The following DIAPH2 variants were observed in gnomAD, a reference collection of about 807,000 sequenced individuals.
The protein encoded by DIAPH2 is diaphanous related formin 2.
Under a neutral mutation model 92.7 loss-of-function variants are expected in DIAPH2, and 35 were observed. The observed-to-expected ratio is 0.38, with a 90% CI of 0.29 to 0.50. The LOEUF (loss-of-function observed/expected upper bound fraction) is 0.50. Among genes scored for constraint, DIAPH2 ranks in the 20% least tolerant of loss-of-function variants. The probability of loss-of-function intolerance (pLI) is 0.94; values close to 1 mark genes in which losing one functional copy is unlikely to be tolerated. For synonymous variants in DIAPH2, 301 were observed against 280.4 expected (o/e 1.07, Z -0.73); for missense variants, 701 against 819.5 (o/e 0.86, Z 1.77).
chrX:96,837,427 CTCTCTCTGTG>C (rs1475599419), intron 4 of DIAPH2, among the ~76,000 whole-genome samples: 74 of 40,025 alleles, frequency 1.8e-3, no homozygotes, highest in African/African-American at 5.2e-3. Context: ...CTCTCTCTCT[CTCTCTCTGTG>C]TGTGTGTGTG....
chrX:97,292,264 G>A (rs948838754), intron 23 of DIAPH2, among the ~76,000 whole-genome samples: 1 of 110,067 alleles, frequency 9.1e-6, no homozygotes. Flanking sequence ...GAACTCCTGG[G>A]CTCAAGCAGT....
intron 1 of DIAPH2, among the ~76,000 whole-genome samples, chrX:96,733,584 T>A (rs1289576790): frequency 3.6e-5 from 4 of 111,573 alleles, no homozygotes; most frequent in Non-Finnish European, 7.5e-5. Flanking sequence ...AAAATAGCCC[T>A]TGGAAAGTGT....
chrX:96,972,131 C>T, intron 17 of DIAPH2, among the ~76,000 whole-genome samples: 1 of 111,652 alleles, frequency 9.0e-6, no homozygotes, highest in East Asian at 2.8e-4. Context: ...GAAGGAGCAT[C>T]ATTCCTGTTT....
intron 25 of DIAPH2, among the ~76,000 whole-genome samples, chrX:97,424,635 G>C (rs2070043271): frequency 9.0e-6 from 1 of 111,302 alleles, no homozygotes; most frequent in African/African-American, 3.3e-5. Flanking sequence ...TTTATTTTGA[G>C]ACAGGGTCTC....
chrX:97,202,345 G>A (rs372519772), intron 22 of DIAPH2, among the ~76,000 whole-genome samples: 30 of 111,573 alleles, frequency 2.7e-4, no homozygotes, highest in Non-Finnish European at 1.7e-4. Flanking sequence ...GCTAAATGCC[G>A]CAATTAAAAG....
At position 96,916,636 on chromosome X, in the gene DIAPH2, T is replaced by G; in HGVS notation, c.869+62T>G. 3 of 1,062,079 alleles carry G rather than the reference T, an allele frequency of 2.8e-6. No individual in the cohort carries two copies. In the South Asian group the frequency reaches 6.7e-5, roughly 24 times the overall value. The allele number at this position is 1,062,079 out of a possible 1,213,427, so 87.5% of individuals were successfully genotyped here. On this transcript the variant is annotated intron_variant, in intron 8 of 26. Transcript: ENST00000324765. ...AAATGACACTTAAGAAATTAATAAG[T>G]CCTACTTTTGTTCTCTTTCTTTGGA...
intron 26 of DIAPH2, among the ~76,000 whole-genome samples, chrX:97,566,252 G>A (rs143755948): frequency 0.02 from 2,195 of 111,383 alleles, 39 homozygotes; most frequent in Non-Finnish European, 0.028. Flanking sequence ...GGAGCAACGG[G>A]AAGGTATGCT....
chrX:96,976,248 G>A (rs975882103), intron 17 of DIAPH2, among the ~76,000 whole-genome samples: 6 of 108,079 alleles, frequency 5.6e-5, no homozygotes, highest in South Asian at 4.2e-4. Context: ...AGATCACGCC[G>A]CTGCACTCCA....
intron 4 of DIAPH2, among the ~76,000 whole-genome samples, chrX:96,809,503 T>C (rs958507749): frequency 9.3e-6 from 1 of 107,861 alleles, no homozygotes; most frequent in Non-Finnish European, 1.9e-5. Context: ...ACTCTTTTTT[T>C]TTCTTTCTTT....
intron 3 of DIAPH2, among the ~76,000 whole-genome samples, chrX:96,743,213 A>G (rs1387061795): frequency 6.3e-5 from 7 of 111,992 alleles, no homozygotes; most frequent in Non-Finnish European, 1.3e-4. Context: ...GAAATAGGAT[A>G]TTAAGAAAAT....
At chrX:96,955,274 C>A (rs1025943139) in intron 15 of DIAPH2, among the ~76,000 whole-genome samples, 2 of 111,713 alleles carry the variant, frequency 1.8e-5, no homozygotes, top group African/African-American at 3.3e-5. Context: ...TCTTAAAAAA[C>A]CATCAGATCT....
At chrX:97,101,875 C>T (rs1043768449) in intron 20 of DIAPH2, among the ~76,000 whole-genome samples, 14 of 112,176 alleles carry the variant, frequency 1.2e-4, no homozygotes, top group African/African-American at 4.2e-4. Flanking sequence ...TGTGTGTATA[C>T]ATCCAAACAC....
chrX:97,157,762 GT>G (rs751939219), intron 22 of DIAPH2, among the ~76,000 whole-genome samples: 34 of 112,041 alleles, frequency 3.0e-4, no homozygotes, highest in Non-Finnish European at 5.8e-4. Flanking sequence ...GAAAGGAAAT[GT>G]TTATTCTGTC....
At chrX:97,397,118 A>G (rs1171358523) in intron 25 of DIAPH2, among the ~76,000 whole-genome samples, 1 of 111,962 alleles carries the variant, frequency 8.9e-6, no homozygotes, top group Non-Finnish European at 1.9e-5. Flanking sequence ...ATCGTTTAAG[A>G]AAGCAATTAT....
chrX:97,031,149 G>C (rs1290062527), intron 17 of DIAPH2, among the ~76,000 whole-genome samples: 1 of 110,658 alleles, frequency 9.0e-6, no homozygotes, highest in Non-Finnish European at 1.9e-5. Context: ...TGGTGTGTTA[G>C]CTGAAGTCAT....
intron 20 of DIAPH2, among the ~76,000 whole-genome samples, chrX:97,106,180 A>G (rs185575585): frequency 1.0e-3 from 111 of 111,040 alleles, no homozygotes; most frequent in African/African-American, 3.5e-3. Context: ...TGAAAATTGC[A>G]TTTTTCTTTA....
rs765944692 is a variant in DIAPH2, at chrX:96,967,767, T to C, written c.2050+2560T>C. Among the ~76,000 whole-genome samples the C allele has an allele frequency of 2.7e-5, 3 of 111,310 alleles. No individual in the cohort carries two copies. The South Asian group carries it at 1.1e-3, about 43-fold the overall frequency. Reference sequence around the variant, plus strand: ...GCTGCATAGTATTCCATGGTGTATATGTACCACATTTTCTTTATCCAGTCC... The same window carrying C: ...GCTGCATAGTATTCCATGGTGTATACGTACCACATTTTCTTTATCCAGTCC... On this transcript the variant is annotated intron_variant, in intron 17 of 26. Transcript: ENST00000324765.
intron 25 of DIAPH2, among the ~76,000 whole-genome samples, chrX:97,412,449 C>G (rs977361986): frequency 8.9e-6 from 1 of 111,814 alleles, no homozygotes; most frequent in African/African-American, 3.3e-5. Flanking sequence ...CAAGAGAAAG[C>G]AGGAAACATC....
intron 17 of DIAPH2, among the ~76,000 whole-genome samples, chrX:97,055,143 C>G (rs2066548232): frequency 9.6e-6 from 1 of 104,213 alleles, no homozygotes; most frequent in African/African-American, 3.5e-5. Context: ...ATTCTGTTGT[C>G]TGGGCTCAAA....
Sources: gnomAD v4.1 joint callset for allele counts (sites outside exome capture counted in the v4.1 genomes callset) on GRCh38, gnomAD v4.1.1 for gene constraint, MANE v1.5 for transcripts, NCBI Gene and HGNC (gene_info 2026-07-23, HGNC 2026-07-21) for gene names.